STAG1: variants seen among roughly 807,000 people sequenced by gnomAD.
The protein encoded by STAG1 is STAG1 cohesin complex component.
A neutral mutation model predicts 170.9 loss-of-function variants in STAG1; 26 were observed. That is an observed-to-expected ratio of 0.15 (90% CI 0.11 to 0.21). The LOEUF (loss-of-function observed/expected upper bound fraction) is 0.21, where lower values mean the gene tolerates loss of function less well. Among genes scored for constraint, STAG1 ranks in the 10% least tolerant of loss-of-function variants. STAG1 has a pLI of 1.00. For missense variants in STAG1, 964 were observed against 1,509.5 expected, an observed-to-expected ratio of 0.64 and a Z score of 5.99; for synonymous variants, 514 against 497.7, an observed-to-expected ratio of 1.03 and a Z score of -0.44.
intron 13 of STAG1, among the ~76,000 whole-genome samples, chr3:136,456,300 A>G (rs2089109627): frequency 6.6e-6 from 1 of 152,176 alleles, no homozygotes; most frequent in African/African-American, 2.4e-5. Context: ...CAAAATGAGA[A>G]ATATGATGAA....
intron 4 of STAG1, among the ~76,000 whole-genome samples, chr3:136,595,155 A>T (rs1039644785): frequency 6.6e-6 from 1 of 152,150 alleles, no homozygotes; most frequent in Non-Finnish European, 1.5e-5. Flanking sequence ...CTTACTCATA[A>T]CTACTAAAGC....
At chr3:136,460,701 G>C (rs1316228215) in intron 13 of STAG1, among the ~76,000 whole-genome samples, 5 of 147,804 alleles carry the variant, frequency 3.4e-5, no homozygotes, top group African/African-American at 1.2e-4. Flanking sequence ...AAAAAAAAAA[G>C]CCCGGTACCT....
At chr3:136,380,023 T>G (rs565725015) in intron 22 of STAG1, among the ~76,000 whole-genome samples, 15 of 152,300 alleles carry the variant, frequency 9.8e-5, no homozygotes, top group African/African-American at 3.6e-4. Context: ...AGAGCTGATA[T>G]GTACCACATA....
At chr3:136,447,631 G>T (rs2088822220) in intron 14 of STAG1, among the ~76,000 whole-genome samples, 1 of 107,960 alleles carries the variant, frequency 9.3e-6, no homozygotes, top group African/African-American at 3.8e-5. Context: ...TTTTGAGACA[G>T]AGTCTTAAAC....
chr3:136,451,142 T>A (rs1329593373), intron 14 of STAG1, among the ~76,000 whole-genome samples: 2 of 150,808 alleles, frequency 1.3e-5, no homozygotes, highest in Non-Finnish European at 2.9e-5. Flanking sequence ...GACACGGCAG[T>A]AGTAGGAAAT....
At chr3:136,686,275 ACT>A (rs1194543223) in intron 1 of STAG1, among the ~76,000 whole-genome samples, 2 of 151,878 alleles carry the variant, frequency 1.3e-5, no homozygotes, top group African/African-American at 4.8e-5. Flanking sequence ...TTTTCCTCAA[ACT>A]CTTTCTCTGA....
At chr3:136,599,518 G>A (rs71310215) in intron 4 of STAG1, among the ~76,000 whole-genome samples, 23,871 of 151,986 alleles carry the variant, frequency 0.16, 2,343 homozygotes, top group Non-Finnish European at 0.22. Context: ...GTGACAGAGC[G>A]AGACTCTGTC....
At chr3:136,624,308 G>A (rs1939996743) in intron 2 of STAG1, among the ~76,000 whole-genome samples, 1 of 151,954 alleles carries the variant, frequency 6.6e-6, no homozygotes. Flanking sequence ...CACCGTGTTA[G>A]CCAGGATGGT....
At chr3:136,729,162 GTTTTTT>G (rs1223906622) in intron 1 of STAG1, among the ~76,000 whole-genome samples, 1 of 151,784 alleles carries the variant, frequency 6.6e-6, no homozygotes. Flanking sequence ...CGTGTGTGTG[GTTTTTT>G]TGTTTTTGTT....
At chr3:136,656,164 TA>T (rs111866086) in intron 1 of STAG1, among the ~76,000 whole-genome samples, 2,077 of 136,666 alleles carry the variant, frequency 0.015, 42 homozygotes, top group African/African-American at 0.048. Context: ...CGCAAAAAAA[TA>T]AAAAAAAAAA....
At chr3:136,361,642 A>T (rs1200942636) in intron 26 of STAG1, among the ~76,000 whole-genome samples, 1 of 151,914 alleles carries the variant, frequency 6.6e-6, no homozygotes, top group Non-Finnish European at 1.5e-5. Context: ...ATGGGGTCTC[A>T]CTCTGTCACC....
intron 4 of STAG1, among the ~76,000 whole-genome samples, chr3:136,572,974 G>A (rs914434551): frequency 6.6e-5 from 10 of 152,110 alleles, no homozygotes; most frequent in Non-Finnish European, 1.2e-4. Flanking sequence ...CCAGGAGTTC[G>A]AGAGCAGCCT....
At chr3:136,447,094 G>A (rs1255910433) in intron 14 of STAG1, among the ~76,000 whole-genome samples, 4 of 151,818 alleles carry the variant, frequency 2.6e-5, no homozygotes, top group Non-Finnish European at 4.4e-5. Flanking sequence ...GTGAGCCATC[G>A]TGCCTGGCAT....
At chr3:136,361,095 T>C (rs1343526606) in intron 26 of STAG1, among the ~76,000 whole-genome samples, 2 of 152,238 alleles carry the variant, frequency 1.3e-5, no homozygotes, top group African/African-American at 4.8e-5. Context: ...GTAAAAGTTA[T>C]TCTTTCTCTC....
intron 1 of STAG1, among the ~76,000 whole-genome samples, chr3:136,642,760 C>T (rs1386232887): frequency 6.6e-6 from 1 of 152,158 alleles, no homozygotes; most frequent in Non-Finnish European, 1.5e-5. Context: ...GAAATTTATT[C>T]TCACAGTTCT....
At chr3:136,687,922 A>C (rs940448125) in intron 1 of STAG1, among the ~76,000 whole-genome samples, 1 of 152,086 alleles carries the variant, frequency 6.6e-6, no homozygotes, top group Non-Finnish European at 1.5e-5. Flanking sequence ...TTTTTAATAC[A>C]GACGGGGTTT....
At chr3:136,384,930 C>T (rs2086829937) in intron 22 of STAG1, among the ~76,000 whole-genome samples, 1 of 152,108 alleles carries the variant, frequency 6.6e-6, no homozygotes, top group Non-Finnish European at 1.5e-5. Context: ...AACTAGAATA[C>T]ATTGGAATTT....
chr3:136,372,982 C>CG (rs1411416358), intron 23 of STAG1, among the ~76,000 whole-genome samples: 1 of 152,004 alleles, frequency 6.6e-6, no homozygotes, highest in Non-Finnish European at 1.5e-5. Flanking sequence ...TGGTCCTGGA[C>CG]TTTTTTTGGT....
At position 136,442,470 on chromosome 3, in the gene STAG1, T is replaced by C. The variant is rs80228624; in HGVS notation, c.1546+817A>G. Among the ~76,000 whole-genome samples, 1,122 of 152,316 alleles carry C rather than the reference T, an allele frequency of 7.4e-3. 22 individuals carry two copies. Among genetic ancestry groups the C allele is most frequent in the African/African-American group, 0.024 (1,014 of 41,572 alleles). On this transcript the variant is annotated intron_variant, in intron 15 of 33. Coordinates refer to ENST00000383202, the MANE Select transcript of STAG1 (RefSeq NM_005862.3). ...TCAATTTGCTGTGCATATTATTAAG[T>C]AGCATATAAAAAGATGCATACTTCA...
Sources: allele counts gnomAD v4.1 joint callset (sites outside exome capture counted in the v4.1 genomes callset), GRCh38; gene constraint gnomAD v4.1.1; transcripts MANE v1.5; gene names NCBI Gene and HGNC (gene_info 2026-07-23, HGNC 2026-07-21).